Variants in CLVS1 observed in about 807,000 individuals in gnomAD.
CLVS1 encodes clavesin-1.
Under a neutral mutation model 33.1 loss-of-function variants are expected in CLVS1, and 10 were observed. That is an observed-to-expected ratio of 0.30 (90% CI 0.19 to 0.51). The LOEUF is 0.51. CLVS1 is among the 20% of genes least tolerant of loss of function. The probability of loss-of-function intolerance (pLI) is 0.97; values close to 1 mark genes in which losing one functional copy is unlikely to be tolerated. For missense variants in CLVS1, 343 were observed against 433.4 expected (o/e 0.79, Z 1.85); for synonymous variants, 163 against 166.1 (o/e 0.98, Z 0.14).
intron 2 of CLVS1, among the ~76,000 whole-genome samples, chr8:61,249,608 C>T (rs1808891407): frequency 6.6e-6 from 1 of 152,150 alleles, no homozygotes; most frequent in African/African-American, 2.4e-5. Context: ...TTAATGATTG[C>T]CATTCTAACT....
At chr8:61,218,291 T>G (rs990768748) in intron 2 of CLVS1, among the ~76,000 whole-genome samples, 1 of 152,086 alleles carries the variant, frequency 6.6e-6, no homozygotes, top group Non-Finnish European at 1.5e-5. Context: ...GAAAATGTGG[T>G]GTATGTATAC....
the CLVS1 span, among the ~76,000 whole-genome samples, chr8:61,041,921 T>C: frequency 6.6e-6 from 1 of 152,272 alleles, no homozygotes; most frequent in African/African-American, 2.4e-5. Context: ...GACTCTGTCA[T>C]CCATACTGGG....
At chr8:61,057,067 G>A (rs952595339), upstream of CLVS1, 1 of 152,156 alleles carries the variant, frequency 6.6e-6, no homozygotes, top group African/African-American at 2.4e-5. Context: ...GGTGAGGGGG[G>A]AGTAGGAGCC....
intron 2 of CLVS1, among the ~76,000 whole-genome samples, chr8:61,161,167 A>C (rs1205242176): frequency 6.6e-6 from 1 of 152,058 alleles, no homozygotes; most frequent in Non-Finnish European, 1.5e-5. Flanking sequence ...CAAAAAGACA[A>C]AATATAACAA....
the CLVS1 span, among the ~76,000 whole-genome samples, chr8:61,033,047 A>AAGAG: frequency 3.8e-3 from 293 of 77,694 alleles, 8 homozygotes; most frequent in Middle Eastern, 6.3e-3. Flanking sequence ...GAAAGAAAGA[A>AAGAG]AAAGAAAGAA....
chr8:61,399,074 G>C (rs1814648127), intron 3 of CLVS1, among the ~76,000 whole-genome samples: 1 of 152,150 alleles, frequency 6.6e-6, no homozygotes, highest in South Asian at 2.1e-4. Context: ...CCCAGTAAAA[G>C]AATTACTGGA....
chr8:61,157,565 C>T (rs563013759), intron 2 of CLVS1, among the ~76,000 whole-genome samples: 17 of 151,950 alleles, frequency 1.1e-4, no homozygotes, highest in African/African-American at 3.9e-4. Context: ...TAGGCTATCA[C>T]AATTAAAAAT....
chr8:61,409,028 G>T (rs995596817), intron 3 of CLVS1, among the ~76,000 whole-genome samples: 1 of 152,060 alleles, frequency 6.6e-6, no homozygotes, highest in African/African-American at 2.4e-5. Context: ...GCCCTAAGGG[G>T]AACAGAAAAG....
intron 2 of CLVS1, among the ~76,000 whole-genome samples, chr8:61,276,555 A>G (rs1038504655): frequency 6.6e-6 from 1 of 152,194 alleles, no homozygotes; most frequent in Non-Finnish European, 1.5e-5. Context: ...GCATTTTTCC[A>G]TAGGCAGCAC....
At chr8:61,379,901 G>A (rs1366657436) in intron 3 of CLVS1, among the ~76,000 whole-genome samples, 2 of 152,178 alleles carry the variant, frequency 1.3e-5, no homozygotes, top group Non-Finnish European at 2.9e-5. Flanking sequence ...GCTGTCCTAG[G>A]AAAAGGTAGT....
At chr8:61,351,714 G>A (rs1013330243) in intron 2 of CLVS1, among the ~76,000 whole-genome samples, 6 of 151,960 alleles carry the variant, frequency 3.9e-5, no homozygotes, top group Admixed American at 3.3e-4. Flanking sequence ...ACATGCAGAG[G>A]AACACCAATT....
chr8:61,339,293 C>T (rs989509452), intron 2 of CLVS1, among the ~76,000 whole-genome samples: 1 of 152,302 alleles, frequency 6.6e-6, no homozygotes, highest in East Asian at 1.9e-4. Context: ...CAATCCCAGT[C>T]CCTTGCATGG....
In CLVS1 at chr8:61,229,547, T is replaced by C. The variant is rs369459844; in HGVS notation, c.-151-70130T>C. On this transcript the variant is annotated intron_variant, in intron 2 of 2. Transcript: ENST00000522621. ...CCCCCATGCATGACACTGCACCACA[T>C]TGGCAGAGGGAGAGTTCTCTCATCC... Among the ~76,000 whole-genome samples, 13 of 152,290 alleles carry C rather than the reference T, an allele frequency of 8.5e-5. No homozygotes were observed. The East Asian group carries it at 9.6e-4, about 11-fold the overall frequency.
At chr8:61,421,457 T>C (rs552198952) in intron 3 of CLVS1, among the ~76,000 whole-genome samples, 1 of 152,228 alleles carries the variant, frequency 6.6e-6, no homozygotes, top group Non-Finnish European at 1.5e-5. Flanking sequence ...ATCCTCCACC[T>C]ACAGGGTAGC....
At chr8:61,153,492 T>C (rs960977132) in intron 2 of CLVS1, among the ~76,000 whole-genome samples, 1 of 152,158 alleles carries the variant, frequency 6.6e-6, no homozygotes, top group Non-Finnish European at 1.5e-5. Flanking sequence ...CCAGGGTCAA[T>C]GGTGTGAAGA....
intron 2 of CLVS1, among the ~76,000 whole-genome samples, chr8:61,210,208 C>A (rs369621590): frequency 6.6e-6 from 1 of 152,284 alleles, no homozygotes; most frequent in Middle Eastern, 3.4e-3. Flanking sequence ...TAAGGGCTTG[C>A]CCTAATGACT....
intron 5 of CLVS1, among the ~76,000 whole-genome samples, chr8:61,488,985 A>G (rs1216660272): frequency 6.6e-6 from 1 of 152,204 alleles, no homozygotes; most frequent in East Asian, 1.9e-4. Flanking sequence ...GATGGATTGC[A>G]GTTCTTTATA....
At chr8:61,332,683 C>T (rs1811643540) in intron 2 of CLVS1, among the ~76,000 whole-genome samples, 1 of 152,126 alleles carries the variant, frequency 6.6e-6, no homozygotes, top group Non-Finnish European at 1.5e-5. Context: ...CTCTGTTGCC[C>T]AGGCTGGAGT....
At chr8:61,123,680 T>G (rs776889500) in intron 1 of CLVS1, among the ~76,000 whole-genome samples, 10 of 152,232 alleles carry the variant, frequency 6.6e-5, no homozygotes, top group Non-Finnish European at 1.2e-4. Context: ...TGGGTCATTC[T>G]TTTGTGGAGT....
Sources: allele counts gnomAD v4.1 joint callset (sites outside exome capture counted in the v4.1 genomes callset), GRCh38; gene constraint gnomAD v4.1.1; transcripts MANE v1.5; gene names NCBI Gene and HGNC (gene_info 2026-07-23, HGNC 2026-07-21).